Variants in DUOX1 observed in about 807,000 individuals in gnomAD.
The protein encoded by DUOX1 is dual oxidase 1.
DUOX1 carries 134 observed loss-of-function variants against 181.8 expected under a neutral mutation model. The ratio of observed to expected loss-of-function variants is 0.74; its 90% CI spans 0.64 to 0.85. The LOEUF is 0.85. Ranked by LOEUF, DUOX1 falls within the 40% of genes least tolerant of loss-of-function variation. The pLI, the probability that DUOX1 is intolerant of heterozygous loss-of-function variation, is 0.00. For synonymous variants in DUOX1, 798 were observed against 832.5 expected, an observed-to-expected ratio of 0.96 and a Z score of 0.71; for missense variants, 1,814 against 2,064.4, an observed-to-expected ratio of 0.88 and a Z score of 2.35.
chr15:45,162,080 C>T (rs754466591), intron 30 of DUOX1, 110 bp downstream of exon 30: 12 of 1,451,640 alleles, frequency 8.3e-6, no homozygotes, highest in Non-Finnish European at 1.1e-5. Flanking sequence ...CATCTAGAGA[C>T]TGGTTGTTCC....
chr15:45,135,710 G>A lies in DUOX1; in HGVS notation c.697+35G>A, dbSNP rs575158576. 9.7e-3 allele frequency: 14,041 copies of A among 1,441,514 alleles called. 77 individuals are homozygous for A. Among genetic ancestry groups the A allele is most frequent in the Non-Finnish European group, 0.012 (13,007 of 1,100,438 alleles). 89.3% of individuals were successfully genotyped at this position (1,441,514 alleles called of 1,614,324 possible). On this transcript the variant is annotated intron_variant, in intron 6 of 33. Coordinates refer to ENST00000389037, the MANE Select transcript of DUOX1 (RefSeq NM_175940.3). The stretch of plus-strand genomic sequence containing the variant: ...CAGGGGCGGGACGGGGCCGGCTGGG[G>A]GTCTGCGAGTGTGGGCTCCCCCGAT...
chr15:45,144,755 C>T (rs1355369355), intron 17 of DUOX1, 140 bp from the exon 18 acceptor site: 1 of 878,940 alleles, frequency 1.1e-6, no homozygotes, highest in Non-Finnish European at 1.8e-6. Context: ...CCTACTGAGC[C>T]CCTTTCCTCT....
At chr15:45,136,081 G>C in intron 7 of DUOX1, 133 bp downstream of exon 7, 1 of 1,523,778 alleles carries the variant, frequency 6.6e-7, no homozygotes, top group Non-Finnish European at 8.9e-7. Context: ...GAGGTCCAGG[G>C]AAGCCCCTGT....
intron 16 of DUOX1, 34 bp from the exon 17 acceptor site, chr15:45,144,002 C>G: frequency 6.2e-7 from 1 of 1,610,056 alleles, no homozygotes; most frequent in South Asian, 1.1e-5. Context: ...TCTGATGGGT[C>G]CCAGCTGACG....
intron 8 of DUOX1, 47 bp downstream of exon 8, chr15:45,136,457 G>C: frequency 6.2e-7 from 1 of 1,614,030 alleles, no homozygotes; most frequent in Non-Finnish European, 8.5e-7. Flanking sequence ...TGTGTCTTGC[G>C]GGGTGGGGTG....
chr15:45,147,300 A>G (rs1385097386), intron 18 of DUOX1, 133 bp from the exon 19 acceptor site: 1 of 1,166,568 alleles, frequency 8.6e-7, no homozygotes, highest in Non-Finnish European at 1.2e-6. Flanking sequence ...GGCCTCAGGC[A>G]CCACCATAAG....
chr15:45,145,596 T>C (rs1051799893), intron 18 of DUOX1, among the ~76,000 whole-genome samples: 2 of 151,792 alleles, frequency 1.3e-5, no homozygotes, highest in African/African-American at 4.8e-5. Flanking sequence ...GGGAGCAGGG[T>C]AGTGGAGTGG....
Position 45,147,628 on chromosome 15 carries a change from T to C in DUOX1, c.2518T>C (p.Phe840Leu). 2 of 1,613,744 alleles carry C rather than the reference T, an allele frequency of 1.2e-6. No homozygotes were observed. The highest frequency in any genetic ancestry group is 1.7e-6 in the Non-Finnish European group (2 of 1,179,912). The stretch of plus-strand genomic sequence containing the variant: ...CAATGGCTACCTGTCCTTCCGAGAG[T>C]TCCTGGACATCCTGGTGGTCTTCAT... ...DGNGYLSFRE[F>L]LDILVVFMKG... The change falls in exon 19 of 34, where the codon TTC (phenylalanine) becomes CTC (leucine). Residue 840 changes from phenylalanine (F) to leucine (L), a missense_variant. Coordinates refer to ENST00000389037, the MANE Select transcript of DUOX1 (RefSeq NM_175940.3).
chr15:45,161,950 A>G lies in DUOX1; in HGVS notation c.4069A>G (p.Arg1357Gly). The G allele has an allele frequency of 2.5e-6, 4 of 1,612,844 alleles. No homozygotes were observed. Among genetic ancestry groups the G allele is most frequent in the Non-Finnish European group, 1.7e-6 (2 of 1,179,440 alleles). Residue 1357 changes from arginine to glycine, a missense_variant, in exon 30 of 34, where the codon AGA becomes GGA. Physicochemically the swap from Arg to Gly is moderately radical, Grantham distance 125. This residue lies in a region of DUOX1 where 279 missense variants were observed against 381.9 expected (regional missense o/e 0.73). Transcript: ENST00000389037. ...GATCTACTCAGCCCCGACGGGTGAC[A>G]GATGTGCCAGATACCCAAAGGTACC... ...REIYSAPTGD[R>G]CARYPKLYLD... is the part of the protein sequence containing the mutation.
At chr15:45,132,047 G>A (rs1420464031) in intron 2 of DUOX1, 23 bp downstream of exon 2, 1 of 1,586,268 alleles carries the variant, frequency 6.3e-7, no homozygotes, top group East Asian at 2.2e-5. Flanking sequence ...TGGAGGAGAA[G>A]CATGGTTAGG....
rs771127968 is a variant in DUOX1, at chr15:45,160,986, C to A, written c.3852C>A (p.Pro1284=). The part of the protein sequence containing the change: ...EISVVKAELL[P]SGVTHLRFQR... ...GCGTGGTGAAGGCGGAGCTGCTGCC[C>A]TCAGGTACCAGCCTGGCAGGAGATC... The change falls in exon 29 of 34, where the codon CCC becomes CCA. Residue 1284 remains proline, a synonymous_variant. Transcript: ENST00000389037. 2 of 1,614,114 alleles carry A rather than the reference C, an allele frequency of 1.2e-6. No individual in the cohort carries two copies. The highest frequency in any genetic ancestry group is 1.7e-6 in the Non-Finnish European group (2 of 1,180,014).
intron 2 of DUOX1, among the ~76,000 whole-genome samples, chr15:45,132,958 C>A (rs1567006371): frequency 1.3e-5 from 2 of 152,290 alleles, no homozygotes; most frequent in Middle Eastern, 3.4e-3. Flanking sequence ...CATTTTCCCC[C>A]CTGACTCTCT....
intron 21 of DUOX1, 52 bp from the exon 22 acceptor site, chr15:45,150,579 TC>T (rs1385848105): frequency 6.4e-7 from 1 of 1,559,862 alleles, no homozygotes; most frequent in Non-Finnish European, 8.8e-7. Flanking sequence ...TTGAGCCAGG[TC>T]TTCCTGGGCT....
chr15:45,147,484 C>T lies in DUOX1; in HGVS notation c.2374C>T (p.Gln792Ter). The T allele has an allele frequency of 1.2e-6, 2 of 1,614,082 alleles. No homozygotes were observed. Among genetic ancestry groups the T allele is most frequent in the Non-Finnish European group, 8.5e-7 (1 of 1,179,994 alleles). The change falls in exon 19 of 34, where the codon CAG becomes TAG. Residue 792 changes from glutamine (Q) to a stop codon, truncating the protein, a stop_gained. Coordinates refer to ENST00000389037, the MANE Select transcript of DUOX1 (RefSeq NM_175940.3). LOFTEE classifies it high-confidence loss of function. ...AGGGACCCTGCCCCTGGACTCCTCC[C>T]AGAAGGTGCGGGAGGCCCTGACCTG... ...DAGTLPLDSS[Q>*]KVREALTCEL...
intron 26 of DUOX1, 36 bp from the exon 27 acceptor site, chr15:45,153,915 C>T (rs761417620): frequency 6.4e-7 from 1 of 1,574,158 alleles, no homozygotes; most frequent in South Asian, 1.1e-5. Context: ...GAGAGATCTC[C>T]TCTCAAGGTG....
At position 45,153,231 on chromosome 15, in the gene DUOX1, A is replaced by G; in HGVS notation, c.3425-149A>G. On this transcript the variant is annotated intron_variant, in intron 25 of 33. Transcript: ENST00000389037. ...GTGAGACTCCATCTAAAAAAAAAAA[A>G]AAAAAAAAAAAAAAGAGGTCAGAAG... 3 of 405,748 alleles carry G rather than the reference A, an allele frequency of 7.4e-6. No individual in the cohort carries two copies. In the East Asian group the frequency reaches 1.3e-4, roughly 17 times the overall value. The allele number at this position is 405,748 out of a possible 1,614,324, so 25.1% of individuals were successfully genotyped here.
intron 17 of DUOX1, 109 bp from the exon 18 acceptor site, chr15:45,144,786 A>G: frequency 8.9e-7 from 1 of 1,124,352 alleles, no homozygotes; most frequent in Admixed American, 2.3e-5. Context: ...GAGAAATAAT[A>G]TCCCTTTTTC....
rs144822779 is a variant in DUOX1 at position 45,141,390 on chromosome 15, A to G, written c.1664A>G (p.Asn555Ser). ...INIDPSALQP[N>S]VFVWHKGDPC... ...ATTGACCCCAGTGCTCTGCAGCCCA[A>G]TGTCTTTGTCTGGCATAAAGGTGAG... Residue 555 changes from asparagine (N) to serine (S), a missense_variant, in exon 14 of 34, where the codon AAT becomes AGT. Physicochemically the swap from Asn to Ser is conservative, Grantham distance 46. Coordinates refer to ENST00000389037, the MANE Select transcript of DUOX1 (RefSeq NM_175940.3). The G allele has an allele frequency of 1.9e-5, 31 of 1,614,128 alleles. No individual in the cohort carries two copies. Among genetic ancestry groups the G allele is most frequent in the Middle Eastern group, 3.3e-4 (2 of 6,062 alleles).
chr15:45,132,990 G>A (rs1896192158), intron 2 of DUOX1, among the ~76,000 whole-genome samples: 2 of 152,158 alleles, frequency 1.3e-5, no homozygotes, highest in Admixed American at 6.5e-5. Flanking sequence ...GTGAATGTGT[G>A]CGTCTGTTCT....
Sources: allele counts gnomAD v4.1 joint callset (sites outside exome capture counted in the v4.1 genomes callset), GRCh38; gene constraint gnomAD v4.1.1; regional missense constraint gnomAD v4.1.1; transcripts MANE v1.5; gene names NCBI Gene and HGNC (gene_info 2026-07-23, HGNC 2026-07-21).